Variants in KATNAL1 observed in about 807,000 individuals in gnomAD.
KATNAL1 encodes katanin p60 ATPase-containing subunit A-like 1.
KATNAL1 carries 32 observed loss-of-function variants against 55.2 expected under a neutral mutation model. The observed-to-expected ratio is 0.58, with a 90% CI of 0.44 to 0.78. KATNAL1 has a LOEUF of 0.78. Among genes scored for constraint, KATNAL1 ranks in the 30% least tolerant of loss-of-function variants. The pLI is 0.00. For missense variants in KATNAL1, 466 were observed against 600.9 expected, an observed-to-expected ratio of 0.78 and a Z score of 2.35; for synonymous variants, 193 against 193.6, an observed-to-expected ratio of 1.00 and a Z score of 0.02.
At chr13:30,214,111 G>A (rs1873965549) in intron 9 of KATNAL1, among the ~76,000 whole-genome samples, 2 of 152,218 alleles carry the variant, frequency 1.3e-5, no homozygotes, top group East Asian at 1.9e-4. Context: ...AAAATCACAA[G>A]CATTCTTATA....
intron 9 of KATNAL1, among the ~76,000 whole-genome samples, chr13:30,218,205 A>AGTATAT (rs1555258845): frequency 1.4e-5 from 2 of 139,508 alleles, no homozygotes; most frequent in African/African-American, 5.3e-5. Context: ...CAGTAAAAGG[A>AGTATAT]ATATATATAT....
At chr13:30,298,276 T>C (rs999496732) in intron 1 of KATNAL1, among the ~76,000 whole-genome samples, 4 of 152,246 alleles carry the variant, frequency 2.6e-5, no homozygotes, top group Non-Finnish European at 4.4e-5. Flanking sequence ...ATATGGTATA[T>C]ACTCTGATTT....
At chr13:30,296,930 A>C (rs1593187146) in intron 1 of KATNAL1, among the ~76,000 whole-genome samples, 1 of 151,254 alleles carries the variant, frequency 6.6e-6, no homozygotes, top group Non-Finnish European at 1.5e-5. Flanking sequence ...AGTGACGCCC[A>C]CTCCCGAGCC....
intron 4 of KATNAL1, among the ~76,000 whole-genome samples, chr13:30,249,291 T>C (rs1447647405): frequency 1.3e-5 from 2 of 151,968 alleles, no homozygotes; most frequent in Non-Finnish European, 2.9e-5. Context: ...CAACTGAAAC[T>C]TCCCCTCTGT....
At chr13:30,263,467 A>T (rs1463280011) in intron 3 of KATNAL1, among the ~76,000 whole-genome samples, 1 of 151,430 alleles carries the variant, frequency 6.6e-6, no homozygotes, top group East Asian at 1.9e-4. Context: ...ATATCTAGAA[A>T]ACCCCATCGT....
chr13:30,212,535 A>G (rs928507619), intron 9 of KATNAL1, among the ~76,000 whole-genome samples: 4 of 152,214 alleles, frequency 2.6e-5, no homozygotes, highest in Non-Finnish European at 5.9e-5. Context: ...CGCTGGGCTC[A>G]AGCAAAACTC....
At position 30,225,451 on chromosome 13, in the gene KATNAL1, A is replaced by G. The variant is rs1201885817; in HGVS notation, c.1147+1961T>C. On this transcript the variant is annotated intron_variant, in intron 9 of 10. Transcript: ENST00000380615. ...CAAGTTACCAAAGCTTGCTCAAGAAAAAAACAAATAACTTAGATAACCATA... is the reference window on the plus strand; with the variant it reads ...CAAGTTACCAAAGCTTGCTCAAGAAGAAAACAAATAACTTAGATAACCATA... Among the ~76,000 whole-genome samples the G allele has an allele frequency of 2.0e-5, 3 of 152,370 alleles. No homozygotes were observed. In the South Asian group the frequency reaches 6.2e-4, roughly 32 times the overall value.
intron 3 of KATNAL1, among the ~76,000 whole-genome samples, chr13:30,259,792 G>C (rs1879116017): frequency 6.6e-6 from 1 of 152,198 alleles, no homozygotes; most frequent in Non-Finnish European, 1.5e-5. Context: ...AGCAAGGCTG[G>C]GGGAGGGGCG....
chr13:30,257,693 A>G (rs958399482), intron 3 of KATNAL1, among the ~76,000 whole-genome samples: 3 of 152,170 alleles, frequency 2.0e-5, no homozygotes, highest in African/African-American at 4.8e-5. Context: ...AAGCTCTTAC[A>G]CAGGCTGCAT....
chr13:30,219,632 GAATT>G (rs1389300218), intron 9 of KATNAL1, among the ~76,000 whole-genome samples: 1 of 152,158 alleles, frequency 6.6e-6, no homozygotes, highest in Admixed American at 6.5e-5. Flanking sequence ...ACTTGTTGAT[GAATT>G]AATATAGATA....
chr13:30,298,384 C>G (rs1252320161), intron 1 of KATNAL1, among the ~76,000 whole-genome samples: 2 of 152,112 alleles, frequency 1.3e-5, no homozygotes, highest in African/African-American at 2.4e-5. Context: ...TATAGACATA[C>G]TAAAATTTGT....
intron 3 of KATNAL1, among the ~76,000 whole-genome samples, chr13:30,270,242 G>A (rs1366545712): frequency 3.7e-5 from 5 of 136,330 alleles, no homozygotes; most frequent in African/African-American, 1.3e-4. Context: ...CCGTCCGGGA[G>A]GGAGGTTGGG....
intron 1 of KATNAL1, among the ~76,000 whole-genome samples, chr13:30,291,039 A>C (rs920971205): frequency 6.6e-6 from 1 of 152,238 alleles, no homozygotes; most frequent in African/African-American, 2.4e-5. Flanking sequence ...CAAGAACAAG[A>C]CAAGGATATT....
chr13:30,240,611 T>C (rs373075747), intron 5 of KATNAL1, 46 bp from the exon 6 acceptor site: 89 of 1,293,150 alleles, frequency 6.9e-5, no homozygotes, highest in Non-Finnish European at 9.3e-5. Context: ...CAGGGATCTT[T>C]GATTTATGGT....
chr13:30,295,711 T>G (rs957970344), intron 1 of KATNAL1, among the ~76,000 whole-genome samples: 1 of 152,228 alleles, frequency 6.6e-6, no homozygotes, highest in African/African-American at 2.4e-5. Context: ...TGAACACTGT[T>G]GAAATAACAA....
chr13:30,280,391 G>A (rs1158114185), intron 2 of KATNAL1, among the ~76,000 whole-genome samples, 168 bp from the exon 3 acceptor site: 3 of 151,830 alleles, frequency 2.0e-5, no homozygotes. Flanking sequence ...CTGAGAAAAG[G>A]GTAGAAATTA....
intron 3 of KATNAL1, among the ~76,000 whole-genome samples, chr13:30,279,006 A>C (rs1881070773): frequency 1.3e-5 from 2 of 152,242 alleles, no homozygotes. Context: ...CAAAGGAATA[A>C]ATTAAATGCT....
chr13:30,258,631 C>G (rs916945794), intron 3 of KATNAL1, among the ~76,000 whole-genome samples: 2 of 152,094 alleles, frequency 1.3e-5, no homozygotes, highest in Non-Finnish European at 2.9e-5. Context: ...CTTTGCCTAC[C>G]GCAAGATCAT....
chr13:30,236,231 G>C (rs1876667982), intron 6 of KATNAL1, among the ~76,000 whole-genome samples: 1 of 152,152 alleles, frequency 6.6e-6, no homozygotes, highest in Non-Finnish European at 1.5e-5. Flanking sequence ...AAACCTAAGA[G>C]GGTAGTGGGA....
Sources: gnomAD v4.1 joint callset for allele counts (sites outside exome capture counted in the v4.1 genomes callset) on GRCh38, gnomAD v4.1.1 for gene constraint, MANE v1.5 for transcripts, NCBI Gene and HGNC (gene_info 2026-07-23, HGNC 2026-07-21) for gene names.